The following SLC29A1 variants were observed in gnomAD, a reference collection of about 807,000 sequenced individuals.
SLC29A1 encodes equilibrative nucleoside transporter 1.
SLC29A1 carries 22 observed loss-of-function variants against 48.3 expected under a neutral mutation model. The observed-to-expected ratio is 0.46, with a 90% confidence interval of 0.33 to 0.65. The LOEUF is 0.65. Ranked by LOEUF, SLC29A1 falls within the 30% of genes least tolerant of loss-of-function variation. SLC29A1 has a pLI of 0.03. For synonymous variants in SLC29A1, 228 were observed against 231.0 expected (o/e 0.99, Z 0.12); for missense variants, 491 against 575.3 (o/e 0.85, Z 1.50).
Position 44,232,285 on chromosome 6 carries a change from A to G in SLC29A1, c.974-58A>G. The G allele has an allele frequency of 7.6e-7, 1 of 1,312,676 alleles. No individual in the cohort carries two copies. Among genetic ancestry groups the G allele is most frequent in the Admixed American group, 1.7e-5 (1 of 59,662 alleles). The allele number at this position is 1,312,676 out of a possible 1,614,324, so 81.3% of individuals were successfully genotyped here. On this transcript the variant is annotated intron_variant, in intron 10 of 12. Coordinates refer to ENST00000371755, the MANE Select transcript of SLC29A1 (RefSeq NM_001372327.1). The surrounding 1 kb of genome is among the most constrained non-coding windows in gnomAD (Gnocchi z 4.7). ...GGGAAGCTGAGGCCCAGTGAAGGTT[A>G]GGCTTGCTATACCTGCCTCTGTGAG...
At position 44,233,933 on chromosome 6, in the gene SLC29A1, T is replaced by C. The variant is rs1779411433; in HGVS notation, c.*405T>C. ...GTGGCTAGGAGCTGGGTCTGACCGT[T>C]GTATGGTTTGACCTGATATACTCCA... On this transcript the variant is annotated 3_prime_UTR_variant, in exon 13 of 13. Transcript: ENST00000371755. 4.5e-6 allele frequency: 1 copy of C among 220,560 alleles called. No individual in the cohort carries two copies. The highest frequency in any genetic ancestry group is 9.2e-6 in the Non-Finnish European group (1 of 109,214). The allele number at this position is 220,560 out of a possible 1,614,324, so 13.7% of individuals were successfully genotyped here.
Position 44,233,550 on chromosome 6 carries a change from GCCTGCCTCCCTC to G in SLC29A1, c.*27_*38del, listed in dbSNP as rs756185570. On this transcript the variant is annotated 3_prime_UTR_variant, in exon 13 of 13. Transcript: ENST00000371755. The stretch of plus-strand genomic sequence containing the variant: ...GTGACAAAGGATGGACAGAAGGACT[GCCTGCCTCCCTC>G]CCTGTCTGCCTCCTGCCCCTTCCTT... 1.3e-6 allele frequency: 2 copies of G among 1,569,440 alleles called. No homozygotes were observed. Among genetic ancestry groups the G allele is most frequent in the African/African-American group, 2.7e-5 (2 of 74,040 alleles).
chr6:44,229,872 C>T lies in SLC29A1; in HGVS notation c.315-35C>T. ...CCCTTGGCTGAGCCCCAGCTTTGCC[C>T]ACTTGTCTCTGCCACCCTTGGCCTC... On this transcript the variant is annotated intron_variant, in intron 4 of 12. Coordinates refer to ENST00000371755, the MANE Select transcript of SLC29A1 (RefSeq NM_001372327.1). This position sits in a 1 kb window ranked among gnomAD's most constrained non-coding sequence, Gnocchi z 5.1. The T allele has an allele frequency of 6.2e-7, 1 of 1,612,062 alleles. No individual in the cohort carries two copies. The highest frequency in any genetic ancestry group is 8.5e-7 in the Non-Finnish European group (1 of 1,179,858).
intron 9 of SLC29A1, 103 bp downstream of exon 9, chr6:44,231,564 T>C: frequency 1.3e-6 from 1 of 761,280 alleles, no homozygotes; most frequent in Non-Finnish European, 2.3e-6. Context: ...GACCTGAGAG[T>C]GGTCACTCCT....
intron 1 of SLC29A1, chr6:44,224,031 C>G (rs1776900135): frequency 2.6e-5 from 1 of 39,116 alleles, no homozygotes; most frequent in East Asian, 1.3e-3. Context: ...GATGGAGGCT[C>G]GCGAGCGGAG....
chr6:44,226,994 G>T, intron 1 of SLC29A1: 1 of 1,208,788 alleles, frequency 8.3e-7, no homozygotes, highest in East Asian at 4.2e-5. Context: ...AACTGCTTCG[G>T]CTGCTGGATA....
At position 44,233,688 on chromosome 6, in the gene SLC29A1, G is replaced by A. The variant is rs1779381195; in HGVS notation, c.*160G>A. ...CCCGGATCTCCAGGCCCTGGGGAGG[G>A]AGCCTCTGGACGGACAGTGGGGACA... is the stretch of plus-strand genomic sequence containing the variant. On this transcript the variant is annotated 3_prime_UTR_variant, in exon 13 of 13. Coordinates refer to ENST00000371755, the MANE Select transcript of SLC29A1 (RefSeq NM_001372327.1). 3.2e-6 allele frequency: 2 copies of A among 632,500 alleles called. No individual in the cohort carries two copies. 39.2% of individuals were successfully genotyped at this position (632,500 alleles called of 1,614,324 possible). A position where few individuals can be genotyped will look rare whatever the true frequency, so the allele number is the denominator to read the frequency against.
Position 44,230,915 on chromosome 6 carries a change from G to C in SLC29A1, c.766+26G>C, listed in dbSNP as rs776781673. 3.8e-6 allele frequency: 6 copies of C among 1,565,974 alleles called. No individual in the cohort carries two copies. The African/African-American group carries it at 8.1e-5, about 21-fold the overall frequency. ...GTCCGAAGAGCCTGAGGAAGCTGGG[G>C]TGGAGGATGGTATACCAGGCGGGGG... On this transcript the variant is annotated intron_variant, in intron 8 of 12. Transcript: ENST00000371755.
rs758527053 is a variant in SLC29A1 at position 44,232,337 on chromosome 6, T to C, written c.974-6T>C. ...CTGATAACCACCCGTTCATCTCCTC[T>C]TCCAGAACGTTACTTCATTCCTGTG... On this transcript the variant is annotated splice_region_variant and splice_polypyrimidine_tract_variant and intron_variant, in intron 10 of 12. Transcript: ENST00000371755. This position sits in a 1 kb window ranked among gnomAD's most constrained non-coding sequence, Gnocchi z 4.7. 6.2e-7 allele frequency: 1 copy of C among 1,608,362 alleles called. No individual in the cohort carries two copies. Among genetic ancestry groups the C allele is most frequent in the African/African-American group, 1.3e-5 (1 of 74,806 alleles).
Position 44,230,003 on chromosome 6 carries a change from G to C in SLC29A1, c.411G>C (p.Leu137=). The change falls in exon 5 of 13, where the codon CTG becomes CTC. Residue 137 remains leucine, a synonymous_variant. Coordinates refer to ENST00000371755, the MANE Select transcript of SLC29A1 (RefSeq NM_001372327.1). ...AILVKVQLDA[L]PFFVITMIKI... ...TGGTGAAGGTGCAGCTGGATGCTCT[G>C]CCCTTCTTTGTCATCACCATGATCA... 1 of 1,611,418 alleles carries C rather than the reference G, an allele frequency of 6.2e-7. No individual in the cohort carries two copies.
intron 1 of SLC29A1, chr6:44,226,901 T>A: frequency 9.4e-7 from 1 of 1,062,174 alleles, no homozygotes; most frequent in Non-Finnish European, 1.1e-6. Context: ...CTTGCCTGCC[T>A]TCTTTGACTG....
upstream of SLC29A1, among the ~76,000 whole-genome samples, chr6:44,219,933 G>T (rs1020284755): frequency 4.6e-5 from 7 of 152,336 alleles, no homozygotes; most frequent in South Asian, 1.4e-3. Context: ...TTGGTTTCTG[G>T]ATGCGGGGCC....
In SLC29A1 at chr6:44,232,964, C is replaced by G; in HGVS notation, c.1217C>G (p.Ser406Cys). The G allele has an allele frequency of 6.2e-7, 1 of 1,613,878 alleles. No individual in the cohort carries two copies. The highest frequency in any genetic ancestry group is 8.5e-7 in the Non-Finnish European group (1 of 1,180,046). Residue 406 changes from serine to cysteine, a missense_variant, in exon 12 of 13, where the codon TCC becomes TGC. Ser to Cys is a moderately radical substitution (Grantham distance 112). Transcript: ENST00000371755. The surrounding 1 kb of genome is among the most constrained non-coding windows in gnomAD (Gnocchi z 4.7). Reference sequence around the variant, plus strand: ...TTCTTCATGGCTGCCTTTGCCTTCTCCAACGGCTACCTCGCCAGCCTCTGC... The same window carrying G: ...TTCTTCATGGCTGCCTTTGCCTTCTGCAACGGCTACCTCGCCAGCCTCTGC... Reference protein sequence around the residue: ...FIFFMAAFAFSNGYLASLCMC... With the variant: ...FIFFMAAFAFCNGYLASLCMC...
intron 2 of SLC29A1, among the ~76,000 whole-genome samples, chr6:44,228,392 A>C (rs1778046727): frequency 6.6e-6 from 1 of 152,204 alleles, no homozygotes; most frequent in South Asian, 2.1e-4. Context: ...AGCTTCTCCA[A>C]GGGAAGCATG....
In SLC29A1 at chr6:44,232,142, C is replaced by T. The variant is rs537291109; in HGVS notation, c.973+36C>T. On this transcript the variant is annotated intron_variant, in intron 10 of 12. Transcript: ENST00000371755. The surrounding 1 kb of genome is among the most constrained non-coding windows in gnomAD (Gnocchi z 4.7). ...CACAGGTTTCCAGGATGGGAACAGA[C>T]AGGATCTTGAGTTGGGCTGGAAGTG... 7.9e-6 allele frequency: 12 copies of T among 1,516,718 alleles called. No homozygotes were observed. The East Asian group carries it at 2.5e-4, about 31-fold the overall frequency. 94.0% of individuals were successfully genotyped at this position (1,516,718 alleles called of 1,614,324 possible). A position where few individuals can be genotyped will look rare whatever the true frequency, so the allele number is the denominator to read the frequency against.
rs2153298533 is a variant in SLC29A1, at chr6:44,229,489, G to A, written c.111+18G>A. 6.2e-7 allele frequency: 1 copy of A among 1,611,058 alleles called. No individual in the cohort carries two copies. The highest frequency in any genetic ancestry group is 1.1e-5 in the South Asian group (1 of 91,014). On this transcript the variant is annotated intron_variant, in intron 3 of 12. Coordinates refer to ENST00000371755, the MANE Select transcript of SLC29A1 (RefSeq NM_001372327.1). The surrounding 1 kb of genome is among the most constrained non-coding windows in gnomAD (Gnocchi z 5.1). ...CCACTCAGGTGAGGCTGGAGGGACTGGGCTCCATGGGGCAGTGCCCACTGT... is the reference window on the plus strand; with the variant it reads ...CCACTCAGGTGAGGCTGGAGGGACTAGGCTCCATGGGGCAGTGCCCACTGT...
upstream of SLC29A1, chr6:44,221,581 G>A (rs1473550517): frequency 7.1e-6 from 9 of 1,270,870 alleles, no homozygotes; most frequent in African/African-American, 4.6e-5. This position sits in a 1 kb window ranked among gnomAD's most constrained non-coding sequence, Gnocchi z 4.2. Flanking sequence ...CCACCCCTTC[G>A]ACAGGGACCT....
In SLC29A1 at chr6:44,223,788, G is replaced by C. The variant is rs1776806034; in HGVS notation, c.-52+147G>C. ...CGGGTGGGGCCCCAGTGCGGAGCGT[G>C]CGGAGCCGCGCAGCACGTGGCGCGC... is the stretch of plus-strand genomic sequence containing the variant. On this transcript the variant is annotated intron_variant, in intron 1 of 12. Transcript: ENST00000371755. This position sits in a 1 kb window ranked among gnomAD's most constrained non-coding sequence, Gnocchi z 5.0. The C allele has an allele frequency of 2.9e-6, 3 of 1,027,842 alleles. No homozygotes were observed. The highest frequency in any genetic ancestry group is 2.3e-6 in the Non-Finnish European group (2 of 854,286). The allele number at this position is 1,027,842 out of a possible 1,614,324, so 63.7% of individuals were successfully genotyped here. A position where few individuals can be genotyped will look rare whatever the true frequency, so the allele number is the denominator to read the frequency against.
chr6:44,229,401 T>G lies in SLC29A1; in HGVS notation c.41T>G (p.Val14Gly), dbSNP rs1344761409. ...CTCCTCCATTGCAGATACAAAGCTG[T>G]CTGGCTTATCTTCTTCATGCTGGGT... ...SHQPQDRYKA[V>G]WLIFFMLGLG... Residue 14 changes from valine to glycine, a missense_variant, in exon 3 of 13, where the codon GTC becomes GGC. Val to Gly is a moderately radical substitution (Grantham distance 109). Transcript: ENST00000371755. The surrounding 1 kb of genome is among the most constrained non-coding windows in gnomAD (Gnocchi z 5.1). 6.2e-7 allele frequency: 1 copy of G among 1,613,786 alleles called. No homozygotes were observed. Among genetic ancestry groups the G allele is most frequent in the Non-Finnish European group, 8.5e-7 (1 of 1,179,828 alleles).
Sources: gnomAD v4.1 joint callset for allele counts (sites outside exome capture counted in the v4.1 genomes callset) on GRCh38, gnomAD v4.1.1 for gene constraint, Gnocchi (gnomAD v3.1) non-coding constraint, MANE v1.5 for transcripts, NCBI Gene and HGNC (gene_info 2026-07-23, HGNC 2026-07-21) for gene names.